SDCCAG8: variants seen among roughly 807,000 people sequenced by gnomAD.
SDCCAG8 encodes serologically defined colon cancer antigen 8.
Under a neutral mutation model 101.8 loss-of-function variants are expected in SDCCAG8, and 74 were observed. The observed-to-expected ratio is 0.73, with a 90% CI of 0.60 to 0.88. The LOEUF is 0.88. Among genes scored for constraint, SDCCAG8 ranks in the 40% least tolerant of loss-of-function variants. The pLI is 0.00. For missense variants in SDCCAG8, 787 were observed against 822.6 expected (o/e 0.96, Z 0.53); for synonymous variants, 281 against 292.9 (o/e 0.96, Z 0.41).
At chr1:243,327,406 AT>A (rs1558300305) in intron 9 of SDCCAG8, among the ~76,000 whole-genome samples, 3 of 139,196 alleles carry the variant, frequency 2.2e-5, no homozygotes, top group South Asian at 4.7e-4. Flanking sequence ...TTTTATAGAA[AT>A]TTATAATTTT....
At chr1:243,363,931 T>A (rs1558358250) in intron 12 of SDCCAG8, among the ~76,000 whole-genome samples, 1 of 152,242 alleles carries the variant, frequency 6.6e-6, no homozygotes, top group Non-Finnish European at 1.5e-5. Flanking sequence ...ATTTTGGTGC[T>A]GCTTGCTAAA....
intron 3 of SDCCAG8, among the ~76,000 whole-genome samples, chr1:243,271,490 T>C (rs1445969442): frequency 1.3e-5 from 2 of 151,836 alleles, no homozygotes; most frequent in East Asian, 3.8e-4. Flanking sequence ...GTAGCCCTAC[T>C]TTGTAATATT....
chr1:243,469,113 T>G (rs1660718918), intron 16 of SDCCAG8, among the ~76,000 whole-genome samples: 1 of 152,204 alleles, frequency 6.6e-6, no homozygotes, highest in South Asian at 2.1e-4. Context: ...AAATTCAGAT[T>G]TATCCTTCTA....
Position 243,318,588 on chromosome 1 carries a change from A to G in SDCCAG8, c.1068+1695A>G, listed in dbSNP as rs193229110. 7.1e-4 allele frequency: 698 copies of G among 985,004 alleles called. 2 individuals carry two copies. The highest frequency in any genetic ancestry group is 8.1e-4 in the Non-Finnish European group (668 of 829,546). The allele number at this position is 985,004 out of a possible 1,614,324, so 61.0% of individuals were successfully genotyped here. A position where few individuals can be genotyped will look rare whatever the true frequency, so the allele number is the denominator to read the frequency against. ...TTGCTATGTCCATTTGTCTTTATCC[A>G]GTTCATCCATAACTCTTCCCGTTTG... On this transcript the variant is annotated intron_variant, in intron 9 of 17. Transcript: ENST00000366541.
chr1:243,326,389 C>A (rs771568900), intron 9 of SDCCAG8, among the ~76,000 whole-genome samples: 9 of 152,092 alleles, frequency 5.9e-5, no homozygotes, highest in Non-Finnish European at 8.8e-5. Flanking sequence ...TCTTGGATTA[C>A]AGGGAGTCAG....
chr1:243,408,392 A>G (rs904068719), intron 13 of SDCCAG8, among the ~76,000 whole-genome samples: 4 of 152,128 alleles, frequency 2.6e-5, no homozygotes, highest in Non-Finnish European at 5.9e-5. Flanking sequence ...GTACCTTTCA[A>G]TGTTTTTGCA....
At chr1:243,309,770 T>C (rs2072529399) in intron 8 of SDCCAG8, among the ~76,000 whole-genome samples, 1 of 152,224 alleles carries the variant, frequency 6.6e-6, no homozygotes, top group Non-Finnish European at 1.5e-5. Context: ...ATTGGGATTA[T>C]AGACATAAGC....
intron 13 of SDCCAG8, among the ~76,000 whole-genome samples, chr1:243,404,362 G>C (rs1288108407): frequency 1.2e-4 from 19 of 152,210 alleles, no homozygotes; most frequent in Non-Finnish European, 1.5e-5. Flanking sequence ...TAGAGGAAGA[G>C]AAAGATCCAG....
chr1:243,430,620 A>G (rs1475341423), intron 16 of SDCCAG8, among the ~76,000 whole-genome samples: 1 of 151,452 alleles, frequency 6.6e-6, no homozygotes, highest in African/African-American at 2.4e-5. Context: ...TTGTATTTTT[A>G]GTAGAGACGG....
At chr1:243,421,366 C>T (rs2080989024) in intron 15 of SDCCAG8, among the ~76,000 whole-genome samples, 2 of 152,176 alleles carry the variant, frequency 1.3e-5, no homozygotes, top group South Asian at 2.1e-4. Context: ...TCGGCGTGCA[C>T]GTACGCCCTT....
chr1:243,320,735 A>G (rs2073686890), intron 9 of SDCCAG8, among the ~76,000 whole-genome samples: 1 of 152,186 alleles, frequency 6.6e-6, no homozygotes, highest in South Asian at 2.1e-4. Context: ...TAAAATGTAT[A>G]TTGGTTATCT....
chr1:243,407,457 C>G (rs1378526750), intron 13 of SDCCAG8, among the ~76,000 whole-genome samples: 1 of 152,088 alleles, frequency 6.6e-6, no homozygotes, highest in Non-Finnish European at 1.5e-5. Flanking sequence ...TACAGACATG[C>G]AAAGGGTGAT....
At chr1:243,481,735 G>A (rs757530825) in intron 16 of SDCCAG8, among the ~76,000 whole-genome samples, 7 of 152,150 alleles carry the variant, frequency 4.6e-5, no homozygotes, top group Non-Finnish European at 1.0e-4. Context: ...CAGGGAGGAG[G>A]CTCTGGTCTG....
intron 1 of SDCCAG8, among the ~76,000 whole-genome samples, chr1:243,269,679 C>CGCAG (rs1407272239): frequency 3.0e-4 from 46 of 152,194 alleles, no homozygotes; most frequent in African/African-American, 1.1e-3. Context: ...CTGGGTGTGA[C>CGCAG]GCAGTCCCTT....
chr1:243,337,915 C>T (rs1450477955), intron 10 of SDCCAG8, among the ~76,000 whole-genome samples: 1 of 152,016 alleles, frequency 6.6e-6, no homozygotes, highest in Non-Finnish European at 1.5e-5. Flanking sequence ...ATAATTCCTT[C>T]TCTAGGGGAT....
chr1:243,389,157 C>T (rs367724703), intron 13 of SDCCAG8, among the ~76,000 whole-genome samples: 1 of 150,094 alleles, frequency 6.7e-6, no homozygotes, highest in South Asian at 2.1e-4. Context: ...CCCTCCCCCC[C>T]CCAAAAAAAA....
intron 13 of SDCCAG8, among the ~76,000 whole-genome samples, chr1:243,406,234 G>A (rs1387450584): frequency 6.6e-6 from 1 of 152,182 alleles, no homozygotes; most frequent in East Asian, 1.9e-4. Flanking sequence ...TTAGGTAATA[G>A]CATATTTGGC....
At chr1:243,332,291 T>C (rs1007403948) in intron 10 of SDCCAG8, among the ~76,000 whole-genome samples, 2 of 152,200 alleles carry the variant, frequency 1.3e-5, no homozygotes, top group African/African-American at 2.4e-5. Flanking sequence ...CAAAAAGGGA[T>C]GGAAAGCCAT....
At chr1:243,437,257 C>T (rs933280852) in intron 16 of SDCCAG8, among the ~76,000 whole-genome samples, 1 of 152,078 alleles carries the variant, frequency 6.6e-6, no homozygotes, top group African/African-American at 2.4e-5. Flanking sequence ...TATTTTGCAC[C>T]TTCTAACTTA....
Sources: gnomAD v4.1 joint callset for allele counts (sites outside exome capture counted in the v4.1 genomes callset) on GRCh38, gnomAD v4.1.1 for gene constraint, MANE v1.5 for transcripts, NCBI Gene and HGNC (gene_info 2026-07-23, HGNC 2026-07-21) for gene names.